AGBL4: variants seen among roughly 807,000 people sequenced by gnomAD.
AGBL4 encodes the protein cytosolic carboxypeptidase 6.
In AGBL4, 58 loss-of-function variants were observed where a neutral mutation model predicts 66.4. The ratio of observed to expected loss-of-function variants is 0.87; its 90% CI spans 0.71 to 1.09. The LOEUF (loss-of-function observed/expected upper bound fraction) is 1.09, where lower values mean the gene tolerates loss of function less well. Ranked by LOEUF, AGBL4 falls within the 50% of genes least tolerant of loss-of-function variation. AGBL4 has a pLI of 0.00. For synonymous variants in AGBL4, 234 were observed against 222.9 expected, an observed-to-expected ratio of 1.05 and a Z score of -0.44; for missense variants, 579 against 631.0, an observed-to-expected ratio of 0.92 and a Z score of 0.88.
chr1:48,773,081 G>A (rs1421201955), intron 6 of AGBL4, among the ~76,000 whole-genome samples: 3 of 152,070 alleles, frequency 2.0e-5, no homozygotes, highest in Non-Finnish European at 2.9e-5. Context: ...AGGTGCACTG[G>A]TATATTCACT....
intron 3 of AGBL4, among the ~76,000 whole-genome samples, chr1:49,478,945 T>C (rs1371496831): frequency 6.6e-6 from 1 of 152,022 alleles, no homozygotes; most frequent in Non-Finnish European, 1.5e-5. Flanking sequence ...TAAGATACTA[T>C]TTGCAAGCCT....
chr1:48,699,530 C>T (rs1332371403), intron 6 of AGBL4, among the ~76,000 whole-genome samples: 1 of 152,218 alleles, frequency 6.6e-6, no homozygotes, highest in Non-Finnish European at 1.5e-5. Context: ...TTGGAATCCA[C>T]TCTGTCCATA....
chr1:49,955,735 C>T (rs1557616616), intron 1 of AGBL4, among the ~76,000 whole-genome samples: 2 of 151,872 alleles, frequency 1.3e-5, no homozygotes. Flanking sequence ...TGAGACAACA[C>T]TGTAACATTA....
Position 49,138,120 on chromosome 1 carries a change from G to A in AGBL4, c.378-92320C>T, listed in dbSNP as rs527618047. Reference sequence around the variant, plus strand: ...GCTTAGCTTATATGGGAGAGTATGGGAGGAAGAAACTTGTACTAGTATACC... The same window carrying A: ...GCTTAGCTTATATGGGAGAGTATGGAAGGAAGAAACTTGTACTAGTATACC... On this transcript the variant is annotated intron_variant, in intron 4 of 13. Transcript: ENST00000371839. Among the ~76,000 whole-genome samples the A allele has an allele frequency of 1.9e-4, 29 of 152,250 alleles. No homozygotes were observed. The South Asian group carries it at 3.1e-3, about 16-fold the overall frequency.
intron 3 of AGBL4, among the ~76,000 whole-genome samples, chr1:49,452,685 T>C (rs1646304240): frequency 6.6e-6 from 1 of 151,988 alleles, no homozygotes; most frequent in African/African-American, 2.4e-5. Context: ...TTCATTCTTA[T>C]GACTCTTATT....
In AGBL4 at chr1:49,070,661, G is replaced by A. The variant is rs147004961; in HGVS notation, c.378-24861C>T. On this transcript the variant is annotated intron_variant, in intron 4 of 13. Coordinates refer to ENST00000371839, the MANE Select transcript of AGBL4 (RefSeq NM_032785.4). ...GTATTTTATTGAGGATTTTCACATCGATGTTCATCAAGGATATTGGCCTAA... is the reference window on the plus strand; with the variant it reads ...GTATTTTATTGAGGATTTTCACATCAATGTTCATCAAGGATATTGGCCTAA... 5.5e-4 allele frequency among the ~76,000 whole-genome samples: 84 copies of A among 151,982 alleles called. 3 individuals carry two copies. The highest frequency in any genetic ancestry group is 1.7e-3 in the African/African-American group (72 of 41,324).
chr1:49,184,239 G>A (rs1646977195), intron 4 of AGBL4, among the ~76,000 whole-genome samples: 2 of 152,172 alleles, frequency 1.3e-5, no homozygotes, highest in South Asian at 4.1e-4. Flanking sequence ...CAAGCTAAGT[G>A]AGGGTAGAAT....
intron 2 of AGBL4, among the ~76,000 whole-genome samples, chr1:49,785,110 G>A (rs1644420731): frequency 6.6e-6 from 1 of 152,026 alleles, no homozygotes; most frequent in Non-Finnish European, 1.5e-5. Context: ...TTTTATAGGT[G>A]ACTCTAAAAG....
intron 6 of AGBL4, among the ~76,000 whole-genome samples, chr1:48,856,864 C>T (rs1348656134): frequency 6.6e-6 from 1 of 152,092 alleles, no homozygotes; most frequent in Non-Finnish European, 1.5e-5. Context: ...ACTATCATGT[C>T]CCTGACATTC....
At chr1:49,397,169 A>G (rs761062796) in intron 3 of AGBL4, among the ~76,000 whole-genome samples, 5 of 151,998 alleles carry the variant, frequency 3.3e-5, no homozygotes, top group Non-Finnish European at 5.9e-5. Flanking sequence ...GTACTGGTCC[A>G]TGGCCTGGGA....
chr1:49,571,127 C>T (rs868822522), intron 3 of AGBL4, among the ~76,000 whole-genome samples: 11 of 150,084 alleles, frequency 7.3e-5, no homozygotes, highest in African/African-American at 2.0e-4. Context: ...CTGTGAAAGA[C>T]GGTGTTTGTA....
In AGBL4 at chr1:49,371,199, T is replaced by C. The variant is rs547140389; in HGVS notation, c.283-125335A>G. 1.7e-4 allele frequency among the ~76,000 whole-genome samples: 26 copies of C among 151,892 alleles called. No homozygotes were observed. The South Asian group carries it at 4.6e-3, about 27-fold the overall frequency. ...ATTCTATATAATGAATCTCTTTAGA[T>C]AGATAGATAGAAGATAGATAGATAG... On this transcript the variant is annotated intron_variant, in intron 3 of 13. Coordinates refer to ENST00000371839, the MANE Select transcript of AGBL4 (RefSeq NM_032785.4).
At chr1:49,386,880 C>T (rs1417931724) in intron 3 of AGBL4, among the ~76,000 whole-genome samples, 2 of 151,734 alleles carry the variant, frequency 1.3e-5, no homozygotes, top group African/African-American at 2.4e-5. Context: ...GTTTATTAAC[C>T]TTTTTAAATC....
intron 1 of AGBL4, among the ~76,000 whole-genome samples, chr1:49,971,808 T>G (rs1014576260): frequency 6.6e-6 from 1 of 151,200 alleles, no homozygotes; most frequent in African/African-American, 2.4e-5. Flanking sequence ...TCCCCTGAAA[T>G]GAATGATGCA....
intron 3 of AGBL4, among the ~76,000 whole-genome samples, chr1:49,434,012 G>A (rs1645845844): frequency 6.6e-6 from 1 of 152,156 alleles, no homozygotes; most frequent in Admixed American, 6.5e-5. Context: ...TTGATTAAAT[G>A]CCTATTGTGT....
intron 5 of AGBL4, among the ~76,000 whole-genome samples, chr1:48,905,869 A>C (rs1031543324): frequency 1.3e-5 from 2 of 152,232 alleles, no homozygotes; most frequent in African/African-American, 2.4e-5. Context: ...AGTAGTATTC[A>C]TCCATTTATT....
chr1:48,947,786 T>C (rs1207155819), intron 5 of AGBL4, among the ~76,000 whole-genome samples: 1 of 152,166 alleles, frequency 6.6e-6, no homozygotes, highest in African/African-American at 2.4e-5. Flanking sequence ...AACAATCTGA[T>C]TGAGTCATCT....
rs547212188 is a variant in AGBL4 at position 49,213,906 on chromosome 1, C to G, written c.377+31864G>C. Among the ~76,000 whole-genome samples the G allele has an allele frequency of 1.6e-3, 242 of 152,202 alleles. 4 individuals are homozygous for G. The highest frequency in any genetic ancestry group is 5.7e-3 in the African/African-American group (235 of 41,530). The stretch of plus-strand genomic sequence containing the variant: ...GCTCTGAGTATTTGATGCAGCCCAC[C>G]ATAGCAGACAGTTCCTGTGGCCCCC... On this transcript the variant is annotated intron_variant, in intron 4 of 13. Coordinates refer to ENST00000371839, the MANE Select transcript of AGBL4 (RefSeq NM_032785.4).
intron 4 of AGBL4, among the ~76,000 whole-genome samples, chr1:49,066,186 C>T (rs773586693): frequency 5.9e-5 from 9 of 152,112 alleles, no homozygotes; most frequent in Non-Finnish European, 1.2e-4. Flanking sequence ...GTAGCAATGA[C>T]TTGGAGAATA....
Sources: allele counts gnomAD v4.1 joint callset (sites outside exome capture counted in the v4.1 genomes callset), GRCh38; gene constraint gnomAD v4.1.1; transcripts MANE v1.5; gene names NCBI Gene and HGNC (gene_info 2026-07-23, HGNC 2026-07-21).